DSG2: variants seen among roughly 807,000 people sequenced by gnomAD.
DSG2 encodes desmoglein 2, also known as desmoglein-2.
A neutral mutation model predicts 75.6 loss-of-function variants in DSG2; 45 were observed. That is an observed-to-expected ratio of 0.60 (90% CI 0.47 to 0.76). The LOEUF (loss-of-function observed/expected upper bound fraction) is 0.76, where lower values mean the gene tolerates loss of function less well. DSG2 is among the 30% of genes least tolerant of loss of function. DSG2 has a pLI of 0.00. For synonymous variants in DSG2, 429 were observed against 483.9 expected (o/e 0.89, Z 1.49); for missense variants, 1,267 against 1,357.4 (o/e 0.93, Z 1.05).
chr18:31,543,506 A>C (rs1235532170), intron 14 of DSG2: 2 of 152,272 alleles, frequency 1.3e-5, no homozygotes, highest in Non-Finnish European at 1.5e-5. Flanking sequence ...TTCCAGGAAG[A>C]TGATCAGATG....
chr18:31,498,428 A>AG (rs959695570), intron 1 of DSG2, 132 bp downstream of exon 1: 23 of 978,410 alleles, frequency 2.4e-5, no homozygotes, highest in Non-Finnish European at 2.6e-5. Flanking sequence ...CTGCTGCCCG[A>AG]GGGGGGAAAA....
At chr18:31,531,275 T>C (rs562054070) in intron 9 of DSG2, 23 bp downstream of exon 9, 2 of 1,612,942 alleles carry the variant, frequency 1.2e-6, no homozygotes, top group South Asian at 2.2e-5. Flanking sequence ...GACACGTGTA[T>C]TTCTTTATTT....
chr18:31,521,193 T>C lies in DSG2; in HGVS notation c.473T>C (p.Val158Ala), dbSNP rs191143292. The change falls in exon 5 of 15, where the codon GTG becomes GCG. Residue 158 changes from valine (V) to alanine (A), a missense_variant. Transcript: ENST00000261590. ...CTTGATATCAATGACAACGAACCAG[T>C]GTTCACACAGGATGTCTTTGTTGGG... ...KVLDINDNEP[V>A]FTQDVFVGSV... The C allele has an allele frequency of 6.2e-7, 1 of 1,613,622 alleles. No homozygotes were observed. Among genetic ancestry groups the C allele is most frequent in the East Asian group, 2.2e-5 (1 of 44,844 alleles).
In DSG2 at chr18:31,525,999, C is replaced by T. The variant is rs556491487; in HGVS notation, c.1014+1111C>T. Among the ~76,000 whole-genome samples the T allele has an allele frequency of 6.4e-4, 98 of 152,132 alleles. 2 individuals are homozygous for T. The South Asian group carries it at 0.02, about 30-fold the overall frequency. On this transcript the variant is annotated intron_variant, in intron 8 of 14. Transcript: ENST00000261590. Reference sequence around the variant, plus strand: ...CTACTACTAAAAATACAAAAATTAGCCAAGCGTGGTGGTGCATGCCTGTAA... The same window carrying T: ...CTACTACTAAAAATACAAAAATTAGTCAAGCGTGGTGGTGCATGCCTGTAA...
At chr18:31,506,663 C>G (rs2073040395) in intron 1 of DSG2, among the ~76,000 whole-genome samples, 1 of 152,136 alleles carries the variant, frequency 6.6e-6, no homozygotes, top group African/African-American at 2.4e-5. Flanking sequence ...TATATTGCAG[C>G]AAAAGAGTGG....
chr18:31,517,267 G>T (rs897027542), intron 1 of DSG2, among the ~76,000 whole-genome samples: 1 of 152,150 alleles, frequency 6.6e-6, no homozygotes, highest in African/African-American at 2.4e-5. Context: ...AACTGGGAAA[G>T]GTAGTGGGGA....
chr18:31,525,035 G>T, intron 8 of DSG2, 147 bp downstream of exon 8: 1 of 811,304 alleles, frequency 1.2e-6, no homozygotes. Context: ...ATCCCTATTT[G>T]CCCAAGTTCT....
chr18:31,542,939 G>T, intron 14 of DSG2, 87 bp downstream of exon 14: 2 of 1,047,052 alleles, frequency 1.9e-6, no homozygotes. Context: ...TCATTGCCTT[G>T]GATCCAAATG....
chr18:31,520,754 T>A, intron 3 of DSG2, 49 bp from the exon 4 acceptor site: 1 of 1,589,514 alleles, frequency 6.3e-7, no homozygotes, highest in Non-Finnish European at 8.6e-7. Flanking sequence ...TCAAATCTAG[T>A]AAATTACAGA....
At chr18:31,512,228 T>C (rs2073071232) in intron 1 of DSG2, among the ~76,000 whole-genome samples, 1 of 152,086 alleles carries the variant, frequency 6.6e-6, no homozygotes. Context: ...CCCATCCCTC[T>C]CCCCATTCTG....
intron 1 of DSG2, among the ~76,000 whole-genome samples, chr18:31,508,352 GATTT>G: frequency 6.9e-6 from 1 of 145,408 alleles, no homozygotes; most frequent in Non-Finnish European, 1.5e-5. Flanking sequence ...TGAACTGCCT[GATTT>G]ATTTTATTTT....
At chr18:31,522,690 C>G (rs985500806) in intron 6 of DSG2, 9 of 162,910 alleles carry the variant, frequency 5.5e-5, no homozygotes, top group African/African-American at 2.2e-4. Flanking sequence ...TAGGGCCTCT[C>G]CTATCAGGGT....
intron 1 of DSG2, 130 bp from the exon 2 acceptor site, chr18:31,518,109 A>G: frequency 1.4e-6 from 1 of 712,948 alleles, no homozygotes; most frequent in South Asian, 1.9e-5. Flanking sequence ...TCCTCTTGAC[A>G]AAGAATAGTA....
At chr18:31,521,264 TTTTAA>T (rs1418053865) in intron 5 of DSG2, 21 bp downstream of exon 5, 38 of 1,588,710 alleles carry the variant, frequency 2.4e-5, no homozygotes, top group African/African-American at 5.5e-5. Context: ...TTTTTTTTTT[TTTTAA>T]TAAATAAATA....
At chr18:31,538,052 G>C (rs1354935228) in intron 11 of DSG2, among the ~76,000 whole-genome samples, 3 of 152,054 alleles carry the variant, frequency 2.0e-5, no homozygotes, top group Non-Finnish European at 4.4e-5. Flanking sequence ...ATCTTAGAAG[G>C]TGCATGCTGA....
chr18:31,536,311 G>A lies in DSG2; in HGVS notation c.1533G>A (p.Glu511=), dbSNP rs754553761. ...TGCAGACAATCTGTCACGATGCAGA[G>A]TATGTGAATGTTACTGCAGAGGACC... is the stretch of plus-strand genomic sequence containing the variant. The part of the protein sequence containing the change: ...EPVQTICHDA[E]YVNVTAEDLD... The change falls in exon 11 of 15, where the codon GAG becomes GAA. Residue 511 remains glutamate (E), a synonymous_variant. Coordinates refer to ENST00000261590, the MANE Select transcript of DSG2 (RefSeq NM_001943.5). 6 of 1,614,226 alleles carry A rather than the reference G, an allele frequency of 3.7e-6. No homozygotes were observed. Among genetic ancestry groups the A allele is most frequent in the Non-Finnish European group, 5.1e-6 (6 of 1,180,036 alleles).
At chr18:31,500,785 A>AT (rs1175518443) in intron 1 of DSG2, among the ~76,000 whole-genome samples, 2 of 152,184 alleles carry the variant, frequency 1.3e-5, no homozygotes, top group Non-Finnish European at 2.9e-5. Flanking sequence ...TCTGAATAAA[A>AT]TCAGAGAATA....
Position 31,536,335 on chromosome 18 carries a change from C to A in DSG2, c.1557C>A (p.Asp519Glu), listed in dbSNP as rs1256906254. ...AGTATGTGAATGTTACTGCAGAGGA[C>A]CTGGATGGACACCCAAACAGTGGCC... ...DAEYVNVTAE[D>E]LDGHPNSGPF... The change falls in exon 11 of 15, where the codon GAC (aspartate) becomes GAA (glutamate). Residue 519 changes from aspartate to glutamate, a missense_variant. By Grantham distance (45) the Asp-to-Glu change is conservative (BLOSUM62 2). Transcript: ENST00000261590. 4.3e-6 allele frequency: 7 copies of A among 1,614,184 alleles called. No homozygotes were observed. The highest frequency in any genetic ancestry group is 5.9e-6 in the Non-Finnish European group (7 of 1,180,030).
chr18:31,511,881 C>T (rs923047560), intron 1 of DSG2, among the ~76,000 whole-genome samples: 4 of 152,176 alleles, frequency 2.6e-5, no homozygotes, highest in Non-Finnish European at 5.9e-5. Flanking sequence ...TCAGTCCCTA[C>T]GATCCCCCTG....
Sources: allele counts gnomAD v4.1 joint callset (sites outside exome capture counted in the v4.1 genomes callset), GRCh38; gene constraint gnomAD v4.1.1; transcripts MANE v1.5; gene names NCBI Gene and HGNC (gene_info 2026-07-23, HGNC 2026-07-21).